Variants in FHIT observed in about 807,000 individuals in gnomAD.
FHIT encodes bis(5'-adenosyl)-triphosphatase.
In FHIT, 19 loss-of-function variants were observed where a neutral mutation model predicts 17.9. The ratio of observed to expected loss-of-function variants is 1.06; its 90% CI spans 0.74 to 1.56. The LOEUF (loss-of-function observed/expected upper bound fraction) is 1.56, where lower values mean the gene tolerates loss of function less well. Ranked by LOEUF, FHIT falls within the 40% of genes most tolerant of loss-of-function variation. The pLI is 0.00. For missense variants in FHIT, 248 were observed against 189.2 expected (o/e 1.31, Z -1.82); for synonymous variants, 81 against 69.7 (o/e 1.16, Z -0.81).
At chr3:59,888,597 C>T (rs1179827904) in intron 8 of FHIT, among the ~76,000 whole-genome samples, 1 of 152,164 alleles carries the variant, frequency 6.6e-6, no homozygotes, top group East Asian at 1.9e-4. Context: ...TAAACATTAG[C>T]TCTATATCAG....
intron 5 of FHIT, among the ~76,000 whole-genome samples, chr3:60,151,017 T>C (rs1700440376): frequency 6.6e-6 from 1 of 152,222 alleles, no homozygotes; most frequent in African/African-American, 2.4e-5. Flanking sequence ...TATGCTTATA[T>C]GGCAATATCA....
intron 7 of FHIT, among the ~76,000 whole-genome samples, chr3:59,978,593 A>G (rs1376092260): frequency 6.6e-6 from 1 of 151,602 alleles, no homozygotes; most frequent in African/African-American, 2.4e-5. Flanking sequence ...AACCCATACA[A>G]GTATCTAAGT....
At chr3:60,157,374 G>T (rs186672552) in intron 5 of FHIT, among the ~76,000 whole-genome samples, 134 of 152,292 alleles carry the variant, frequency 8.8e-4, no homozygotes, top group African/African-American at 3.1e-3. Context: ...CTTCACCTTT[G>T]TGAAGTCACA....
rs182372676 is a variant in FHIT at position 60,193,555 on chromosome 3, T to A, written c.104-179403A>T. Among the ~76,000 whole-genome samples, 257 of 152,268 alleles carry A rather than the reference T, an allele frequency of 1.7e-3. 1 individual carries two copies. Among genetic ancestry groups the A allele is most frequent in the African/African-American group, 5.8e-3 (242 of 41,540 alleles). ...TGGACAACTCTCAAACACAGGGACA[T>A]AGATGAGGCAGAAAAGAAGAAATAT... On this transcript the variant is annotated intron_variant, in intron 5 of 9. Coordinates refer to ENST00000492590, the MANE Select transcript of FHIT (RefSeq NM_002012.4).
rs2031209225 is a variant in FHIT, at chr3:61,003,126, G to GT, written c.-111+38920dup. On this transcript the variant is annotated intron_variant, in intron 3 of 9. Transcript: ENST00000492590. ...CTAAAGCACAGGAGAAGAATCTTAG[G>GT]TTTTTATATAAATAATTTATTGTCT... 3.9e-5 allele frequency among the ~76,000 whole-genome samples: 6 copies of GT among 152,252 alleles called. No individual in the cohort carries two copies. In the Middle Eastern group the frequency reaches 0.014, roughly 345 times the overall value.
At chr3:61,235,689 G>A (rs2040213933) in intron 1 of FHIT, among the ~76,000 whole-genome samples, 2 of 150,844 alleles carry the variant, frequency 1.3e-5, no homozygotes, top group South Asian at 2.1e-4. Flanking sequence ...ATGACAGAGC[G>A]AGACTCTGTC....
intron 4 of FHIT, among the ~76,000 whole-genome samples, chr3:60,605,637 C>A (rs1020483153): frequency 6.6e-6 from 1 of 152,174 alleles, no homozygotes; most frequent in Non-Finnish European, 1.5e-5. Context: ...CAATTAAACA[C>A]AAGGTCCTTG....
At chr3:60,857,304 TC>T (rs1184460463) in intron 3 of FHIT, among the ~76,000 whole-genome samples, 1 of 152,120 alleles carries the variant, frequency 6.6e-6, no homozygotes, top group Non-Finnish European at 1.5e-5. Context: ...TACTTAGACA[TC>T]AAAGGAAAAT....
chr3:60,333,994 C>A (rs892163230), intron 5 of FHIT, among the ~76,000 whole-genome samples: 1 of 152,146 alleles, frequency 6.6e-6, no homozygotes, highest in Non-Finnish European at 1.5e-5. Flanking sequence ...TACATAAACC[C>A]CTCATTTTAG....
intron 2 of FHIT, among the ~76,000 whole-genome samples, chr3:61,053,288 T>A (rs1051446120): frequency 6.6e-6 from 1 of 152,116 alleles, no homozygotes; most frequent in African/African-American, 2.4e-5. Context: ...CACAATACAT[T>A]CACATACATA....
chr3:61,064,996 T>C (rs576598695), intron 2 of FHIT, among the ~76,000 whole-genome samples: 3 of 152,306 alleles, frequency 2.0e-5, no homozygotes, highest in African/African-American at 7.2e-5. Flanking sequence ...AATTATGATT[T>C]CTGCATGCAA....
intron 3 of FHIT, among the ~76,000 whole-genome samples, chr3:60,834,310 T>C (rs926199665): frequency 6.6e-6 from 1 of 152,206 alleles, no homozygotes. Flanking sequence ...AATATGTTCA[T>C]AGTGATAACT....
chr3:60,981,154 T>C (rs1710473513), intron 3 of FHIT, among the ~76,000 whole-genome samples: 1 of 152,194 alleles, frequency 6.6e-6, no homozygotes, highest in Admixed American at 6.5e-5. Context: ...GCTGGGATGT[T>C]CCATGCAGAA....
intron 7 of FHIT, among the ~76,000 whole-genome samples, chr3:59,931,065 A>C (rs558407497): frequency 1.3e-5 from 2 of 152,360 alleles, no homozygotes; most frequent in South Asian, 4.1e-4. Flanking sequence ...ATCCCAACGC[A>C]TAAGACTTTT....
At chr3:60,561,416 C>T (rs932136606) in intron 4 of FHIT, among the ~76,000 whole-genome samples, 9 of 151,724 alleles carry the variant, frequency 5.9e-5, no homozygotes, top group African/African-American at 9.7e-5. Flanking sequence ...CCTTACAAGT[C>T]GCTATTGATA....
chr3:60,323,056 C>T (rs1709505345), intron 5 of FHIT, among the ~76,000 whole-genome samples: 1 of 152,004 alleles, frequency 6.6e-6, no homozygotes, highest in Non-Finnish European at 1.5e-5. Flanking sequence ...AGAGCATTCT[C>T]CCCACCCTTT....
intron 5 of FHIT, among the ~76,000 whole-genome samples, chr3:60,163,627 C>A (rs1359396885): frequency 6.6e-6 from 1 of 152,174 alleles, no homozygotes; most frequent in Non-Finnish European, 1.5e-5. Flanking sequence ...TCCAGCATCC[C>A]TGGCCAGGCC....
chr3:60,465,299 A>G (rs2032722409), intron 5 of FHIT, among the ~76,000 whole-genome samples: 1 of 152,022 alleles, frequency 6.6e-6, no homozygotes, highest in Non-Finnish European at 1.5e-5. Context: ...TAGTTTGCAA[A>G]TATTTTCTCC....
At chr3:59,780,131 T>C (rs1702510982) in intron 8 of FHIT, among the ~76,000 whole-genome samples, 1 of 152,168 alleles carries the variant, frequency 6.6e-6, no homozygotes, top group Non-Finnish European at 1.5e-5. Context: ...TCAGGATCCC[T>C]GACAAGTAGG....
Sources: allele counts gnomAD v4.1 joint callset (sites outside exome capture counted in the v4.1 genomes callset), GRCh38; gene constraint gnomAD v4.1.1; transcripts MANE v1.5; gene names NCBI Gene and HGNC (gene_info 2026-07-23, HGNC 2026-07-21).